SEZ6: variants seen among roughly 807,000 people sequenced by gnomAD.
SEZ6 encodes seizure related 6 homolog.
Under a neutral mutation model 101.0 loss-of-function variants are expected in SEZ6, and 53 were observed. The observed-to-expected ratio is 0.52, with a 90% CI of 0.42 to 0.66. The LOEUF is 0.66. Ranked by LOEUF, SEZ6 falls within the 30% of genes least tolerant of loss-of-function variation. The pLI, the probability that SEZ6 is intolerant of heterozygous loss-of-function variation, is 0.00. For synonymous variants in SEZ6, 488 were observed against 512.2 expected, an observed-to-expected ratio of 0.95 and a Z score of 0.64; for missense variants, 1,102 against 1,289.4, an observed-to-expected ratio of 0.85 and a Z score of 2.23.
At chr17:28,981,110 G>T (rs558550964) in intron 2 of SEZ6, among the ~76,000 whole-genome samples, 2 of 150,474 alleles carry the variant, frequency 1.3e-5, no homozygotes, top group East Asian at 4.0e-4. Context: ...TGGCCAGGAG[G>T]GTCTTGAACT....
intron 4 of SEZ6, 131 bp downstream of exon 4, chr17:28,969,626 A>G: frequency 1.2e-6 from 1 of 829,212 alleles, no homozygotes; most frequent in Non-Finnish European, 1.7e-6. Flanking sequence ...GCTTCACTGG[A>G]CATTTGTGCT....
At chr17:28,976,233 G>A (rs2041218674) in intron 3 of SEZ6, among the ~76,000 whole-genome samples, 1 of 152,360 alleles carries the variant, frequency 6.6e-6, no homozygotes, top group Non-Finnish European at 1.5e-5. Context: ...ATGAGAGGCT[G>A]TGGTCCAAGC....
At position 28,982,036 on chromosome 17, in the gene SEZ6, A is replaced by G; in HGVS notation, c.59T>C (p.Leu20Pro). Residue 20 changes from leucine to proline, a missense_variant, in exon 2 of 17, where the codon CTC becomes CCC. This residue lies in a region of SEZ6 where 406 missense variants were observed against 418.6 expected (regional missense o/e 0.97). Coordinates refer to ENST00000317338, the MANE Select transcript of SEZ6 (RefSeq NM_178860.5). ...CCCCACGGTTGGGGCCTCTAAAGAG[A>G]GTCCTGAAATAATAAGGGATGGTCA... ...PSLLALLAHGLSLEAPTVGKG... is the reference protein window; with the variant it reads ...PSLLALLAHGPSLEAPTVGKG... 1 of 1,584,938 alleles carries G rather than the reference A, an allele frequency of 6.3e-7. No individual in the cohort carries two copies. Among genetic ancestry groups the G allele is most frequent in the Admixed American group, 1.7e-5 (1 of 58,472 alleles).
chr17:28,957,293 G>A, intron 12 of SEZ6, 51 bp from the exon 13 acceptor site: 1 of 1,611,352 alleles, frequency 6.2e-7, no homozygotes, highest in South Asian at 1.1e-5. Flanking sequence ...GGCCTCCAGG[G>A]CAGCATCTTT....
intron 6 of SEZ6, 54 bp downstream of exon 6, chr17:28,960,751 C>T (rs1241621429): frequency 1.1e-5 from 17 of 1,611,954 alleles, no homozygotes; most frequent in Non-Finnish European, 1.4e-5. Flanking sequence ...TAGCGTCCCT[C>T]CAGCAGGGTA....
At chr17:28,964,253 G>T in intron 4 of SEZ6, 106 bp from the exon 5 acceptor site, 2 of 1,208,944 alleles carry the variant, frequency 1.7e-6, no homozygotes, top group Non-Finnish European at 2.3e-6. Flanking sequence ...GGTGTCATTT[G>T]GGGCCAGAGG....
chr17:28,966,697 C>T (rs1039396283), intron 4 of SEZ6, among the ~76,000 whole-genome samples: 5 of 152,092 alleles, frequency 3.3e-5, no homozygotes, highest in African/African-American at 1.2e-4. Context: ...CATGCAAGGC[C>T]TCTGTTCCTG....
chr17:28,981,439 C>T lies in SEZ6; in HGVS notation c.656G>A (p.Gly219Glu). Residue 219 changes from glycine to glutamate, a missense_variant, in exon 2 of 17, where the codon GGA becomes GAA. Physicochemically the swap from Gly to Glu is moderately conservative, Grantham distance 98. Transcript: ENST00000317338. ...QGTITSSTAS[G>E]DDEETTTTTT... ...GGTAGTGGTGGTCTCCTCATCATCT[C>T]CTGAAGCTGTGGAGGAGGTGATGGT... 1 of 1,559,546 alleles carries T rather than the reference C, an allele frequency of 6.4e-7. No individual in the cohort carries two copies. Among genetic ancestry groups the T allele is most frequent in the South Asian group, 1.2e-5 (1 of 84,824 alleles).
At chr17:28,968,754 G>A (rs578007608) in intron 4 of SEZ6, among the ~76,000 whole-genome samples, 7 of 152,328 alleles carry the variant, frequency 4.6e-5, no homozygotes, top group East Asian at 1.9e-4. Context: ...GTCCCCTGCA[G>A]GACTGCGGAA....
chr17:28,999,499 T>C (rs191764131), intron 1 of SEZ6, among the ~76,000 whole-genome samples: 26 of 151,974 alleles, frequency 1.7e-4, no homozygotes, highest in Admixed American at 1.4e-3. Context: ...CGGATTGTTG[T>C]TGGAGAATCG....
In SEZ6 at chr17:28,964,075, C is replaced by G. The variant is rs1422681699; in HGVS notation, c.1127G>C (p.Gly376Ala). 2 of 1,608,144 alleles carry G rather than the reference C, an allele frequency of 1.2e-6. No homozygotes were observed. Among genetic ancestry groups the G allele is most frequent in the African/African-American group, 2.7e-5 (2 of 74,838 alleles). The change falls in exon 5 of 17, where the codon GGG becomes GCG. Residue 376 changes from glycine (G) to alanine (A), a missense_variant. Physicochemically the swap from Gly to Ala is moderately conservative, Grantham distance 60. Transcript: ENST00000317338. ...GDVTVTSLHP[G>A]GSARFHCATG... ...GGCACAATGGAAGCGGGCACTACCC[C>G]CTGGGTGGAGGCTGGTGACAGTCAC... is the stretch of plus-strand genomic sequence containing the variant.
intron 1 of SEZ6, among the ~76,000 whole-genome samples, chr17:29,001,394 C>T (rs931143800): frequency 2.0e-5 from 3 of 152,154 alleles, no homozygotes; most frequent in African/African-American, 7.2e-5. Flanking sequence ...AGATGGGGAC[C>T]TGGATGGGGG....
chr17:28,983,250 C>G (rs940614372), intron 1 of SEZ6, among the ~76,000 whole-genome samples: 1 of 152,152 alleles, frequency 6.6e-6, no homozygotes, highest in Admixed American at 6.5e-5. Flanking sequence ...TATTACATCC[C>G]GTCTCTATTT....
chr17:28,956,753 A>T lies in SEZ6; in HGVS notation c.2697T>A (p.Ser899=). 6.4e-7 allele frequency: 1 copy of T among 1,563,028 alleles called. No homozygotes were observed. Among genetic ancestry groups the T allele is most frequent in the Non-Finnish European group, 8.7e-7 (1 of 1,153,490 alleles). ...TGCGACTGTTGTAGAACCCATCCAGAGAGGCTGGAACAAAAGGGGAGGGCC... is the reference window on the plus strand; with the variant it reads ...TGCGACTGTTGTAGAACCCATCCAGTGAGGCTGGAACAAAAGGGGAGGGCC... ...SDPPPICRAA[S]LDGFYNSRSL... Residue 899 remains serine (S), a synonymous_variant, in exon 14 of 17, where the codon TCT becomes TCA. Coordinates refer to ENST00000317338, the MANE Select transcript of SEZ6 (RefSeq NM_178860.5).
intron 1 of SEZ6, among the ~76,000 whole-genome samples, chr17:29,003,118 T>C (rs1201423731): frequency 6.6e-6 from 1 of 152,226 alleles, no homozygotes; most frequent in East Asian, 1.9e-4. Context: ...ATGCAGAGTT[T>C]AATTAACTTT....
At chr17:28,972,963 T>C (rs2041174788) in intron 3 of SEZ6, among the ~76,000 whole-genome samples, 1 of 152,192 alleles carries the variant, frequency 6.6e-6, no homozygotes, top group South Asian at 2.1e-4. Context: ...CAGAGAAGTA[T>C]TACTAGAAAT....
At chr17:28,987,120 CA>C (rs1366447840) in intron 1 of SEZ6, among the ~76,000 whole-genome samples, 2 of 152,206 alleles carry the variant, frequency 1.3e-5, no homozygotes. Flanking sequence ...CTCTGGGTTC[CA>C]GAGGTTAAGC....
intron 1 of SEZ6, among the ~76,000 whole-genome samples, chr17:28,999,189 AAG>A (rs1012285611): frequency 1.3e-5 from 2 of 152,134 alleles, no homozygotes; most frequent in African/African-American, 4.8e-5. Context: ...TGATCAGGAA[AAG>A]AGGGGATGGG....
chr17:28,989,073 C>A (rs1469199448), intron 1 of SEZ6, among the ~76,000 whole-genome samples: 1 of 152,126 alleles, frequency 6.6e-6, no homozygotes, highest in African/African-American at 2.4e-5. Flanking sequence ...ATGGAGGGAG[C>A]ATGGGTGGAG....
Sources: allele counts gnomAD v4.1 joint callset (sites outside exome capture counted in the v4.1 genomes callset), GRCh38; gene constraint gnomAD v4.1.1; regional missense constraint gnomAD v4.1.1; transcripts MANE v1.5; gene names NCBI Gene and HGNC (gene_info 2026-07-23, HGNC 2026-07-21).